AXDND1: variants seen among roughly 807,000 people sequenced by gnomAD.
AXDND1 encodes axonemal dynein light chain domain-containing protein 1.
Under a neutral mutation model 137.5 loss-of-function variants are expected in AXDND1, and 110 were observed. The ratio of observed to expected loss-of-function variants is 0.80; its 90% CI spans 0.69 to 0.94. The LOEUF (loss-of-function observed/expected upper bound fraction) is 0.94, where lower values mean the gene tolerates loss of function less well. AXDND1 is among the 40% of genes least tolerant of loss of function. AXDND1 has a pLI of 0.00. For synonymous variants in AXDND1, 414 were observed against 399.7 expected, an observed-to-expected ratio of 1.04 and a Z score of -0.43; for missense variants, 1,191 against 1,169.8, an observed-to-expected ratio of 1.02 and a Z score of -0.26.
chr1:179,432,479 G>A (rs907597192), intron 15 of AXDND1, 137 bp downstream of exon 15: 34 of 1,230,024 alleles, frequency 2.8e-5, no homozygotes, highest in Middle Eastern at 4.1e-4. Context: ...AGGCTGGAGC[G>A]CAGTAGTGTG....
chr1:179,486,119 C>CAAAA (rs1173009992), intron 18 of AXDND1, among the ~76,000 whole-genome samples: 1 of 22,656 alleles, frequency 4.4e-5, no homozygotes, highest in Non-Finnish European at 9.6e-5. Flanking sequence ...AACTCTGTCT[C>CAAAA]AAAAAAAAAA....
chr1:179,499,120 T>A (rs12047533), intron 20 of AXDND1, among the ~76,000 whole-genome samples: 19,144 of 152,076 alleles, frequency 0.13, 1,412 homozygotes, highest in African/African-American at 0.16. Flanking sequence ...CAAAAAGACA[T>A]ATGCATTCAC....
At chr1:179,538,150 G>A (rs1671745445) in intron 25 of AXDND1, among the ~76,000 whole-genome samples, 2 of 152,028 alleles carry the variant, frequency 1.3e-5, no homozygotes, top group Non-Finnish European at 2.9e-5. Context: ...CCAGCTCCTG[G>A]ATTCATTGAT....
chr1:179,459,841 CCCTT>C (rs71895386), intron 16 of AXDND1, among the ~76,000 whole-genome samples: 10,016 of 97,692 alleles, frequency 0.1, 1,248 homozygotes, highest in Non-Finnish European at 0.11. Context: ...TCTTTTCTTT[CCCTT>C]CCTTCCTTCC....
intron 11 of AXDND1, among the ~76,000 whole-genome samples, chr1:179,407,452 C>G (rs146086745): frequency 1.2e-3 from 178 of 152,216 alleles, no homozygotes; most frequent in African/African-American, 4.2e-3. Context: ...GTCTCGATCT[C>G]CTGACCTCGT....
intron 16 of AXDND1, chr1:179,456,901 C>G (rs1452131859): frequency 7.7e-6 from 8 of 1,044,956 alleles, no homozygotes; most frequent in Non-Finnish European, 1.2e-5. Flanking sequence ...AAGGCAAAGC[C>G]TCTTTTCTTG....
chr1:179,554,451 T>C (rs1214893578), intron 25 of AXDND1, 61 bp from the exon 26 acceptor site: 3 of 1,614,044 alleles, frequency 1.9e-6, no homozygotes, highest in Non-Finnish European at 1.7e-6. Context: ...ATCATACAGT[T>C]CTTGCTAGTT....
intron 12 of AXDND1, among the ~76,000 whole-genome samples, chr1:179,411,671 CT>C (rs11298764): frequency 0.65 from 96,974 of 148,480 alleles, 31,499 homozygotes; most frequent in Middle Eastern, 0.7. Flanking sequence ...AATTAAGGGT[CT>C]TTTTTTTTTT....
intron 15 of AXDND1, among the ~76,000 whole-genome samples, chr1:179,439,218 A>C (rs1658635569): frequency 6.6e-6 from 1 of 152,186 alleles, no homozygotes; most frequent in Non-Finnish European, 1.5e-5. Flanking sequence ...TATTCTGTAT[A>C]ATCAGCACAA....
chr1:179,516,968 C>T (rs1397756622), intron 21 of AXDND1, among the ~76,000 whole-genome samples: 1 of 152,188 alleles, frequency 6.6e-6, no homozygotes, highest in Non-Finnish European at 1.5e-5. Flanking sequence ...AGAGCATCAG[C>T]TGTGATAGTA....
intron 18 of AXDND1, among the ~76,000 whole-genome samples, chr1:179,485,446 T>C (rs1558251581): frequency 6.6e-6 from 1 of 152,118 alleles, no homozygotes; most frequent in Non-Finnish European, 1.5e-5. Context: ...ACCCCTAAAA[T>C]CTTCCAGAAA....
chr1:179,388,976 C>CTTTTTTTTT (rs11373996), intron 9 of AXDND1, among the ~76,000 whole-genome samples: 3 of 112,532 alleles, frequency 2.7e-5, no homozygotes, highest in Non-Finnish European at 5.1e-5. Context: ...TTTTTAGATT[C>CTTTTTTTTT]TTTTTTTTTT....
chr1:179,478,917 A>T (rs1249359366), intron 17 of AXDND1, among the ~76,000 whole-genome samples: 1 of 151,632 alleles, frequency 6.6e-6, no homozygotes, highest in Admixed American at 6.6e-5. Flanking sequence ...TCTGGCCAAC[A>T]TGGTGAAACT....
At chr1:179,496,258 T>C (rs1426606797) in intron 20 of AXDND1, among the ~76,000 whole-genome samples, 3 of 152,060 alleles carry the variant, frequency 2.0e-5, no homozygotes, top group African/African-American at 7.2e-5. Context: ...TACTCTTCTG[T>C]TTTAGAAATA....
At chr1:179,517,648 T>C (rs1669670117) in intron 21 of AXDND1, among the ~76,000 whole-genome samples, 2 of 152,184 alleles carry the variant, frequency 1.3e-5, no homozygotes, top group Admixed American at 1.3e-4. Flanking sequence ...TACCCCTGTA[T>C]TTTGCTCGGC....
At position 179,551,467 on chromosome 1, in the gene AXDND1, C is replaced by T. The variant is rs183677190; in HGVS notation, c.3032-3045C>T. 4.7e-4 allele frequency: 762 copies of T among 1,612,490 alleles called. 8 individuals are homozygous for T. The South Asian group carries it at 5.1e-3, about 11-fold the overall frequency. ...CAGCAATCATCTAGAAAACATGTGACGAAAGCAAAGTGATTGTTCTTCATT... is the reference window on the plus strand; with the variant it reads ...CAGCAATCATCTAGAAAACATGTGATGAAAGCAAAGTGATTGTTCTTCATT... On this transcript the variant is annotated intron_variant, in intron 25 of 25. Coordinates refer to ENST00000367618, the MANE Select transcript of AXDND1 (RefSeq NM_144696.6).
At position 179,526,711 on chromosome 1, in the gene AXDND1, C is replaced by T. The variant is rs139925377; in HGVS notation, c.2610+1264C>T. ...ATATAACACCCAAGCCTATTTCAAT[C>T]AGCATTTTCTGTTTTATTTCTGGTA... On this transcript the variant is annotated intron_variant, in intron 22 of 25. Transcript: ENST00000367618. Among the ~76,000 whole-genome samples, 280 of 152,316 alleles carry T rather than the reference C, an allele frequency of 1.8e-3. 2 individuals are homozygous for T. The highest frequency in any genetic ancestry group is 1.3e-3 in the Non-Finnish European group (91 of 68,030).
Position 179,385,321 on chromosome 1 carries a change from G to T in AXDND1, c.825G>T (p.Val275=). 1.2e-6 allele frequency: 2 copies of T among 1,613,930 alleles called. No homozygotes were observed. Among genetic ancestry groups the T allele is most frequent in the Non-Finnish European group, 8.5e-7 (1 of 1,179,916 alleles). The change falls in exon 9 of 26, where the codon GTG becomes GTT. Residue 275 remains valine (V), a synonymous_variant. Coordinates refer to ENST00000367618, the MANE Select transcript of AXDND1 (RefSeq NM_144696.6). ...ATGAACTTATTCGACAAGTCAGTGTGGACTGTGCAGACAGAGGAGAACTTC... is the reference window on the plus strand; with the variant it reads ...ATGAACTTATTCGACAAGTCAGTGTTGACTGTGCAGACAGAGGAGAACTTC... ...IFHELIRQVS[V]DCADRGELLS...
intron 21 of AXDND1, among the ~76,000 whole-genome samples, chr1:179,518,411 TCG>T (rs1669753668): frequency 6.6e-6 from 1 of 151,618 alleles, no homozygotes. Context: ...ACTTTTAAGT[TCG>T]GGGTACATGT....
Sources: allele counts gnomAD v4.1 joint callset (sites outside exome capture counted in the v4.1 genomes callset), GRCh38; gene constraint gnomAD v4.1.1; transcripts MANE v1.5; gene names NCBI Gene and HGNC (gene_info 2026-07-23, HGNC 2026-07-21).